The following PBX3 variants were observed in gnomAD, a reference collection of about 807,000 sequenced individuals.
PBX3 encodes PBX homeobox 3, also known as pre-B-cell leukemia transcription factor 3.
In PBX3, 14 loss-of-function variants were observed where a neutral mutation model predicts 48.5. That is an observed-to-expected ratio of 0.29 (90% CI 0.19 to 0.45). The LOEUF is 0.45. PBX3 is among the 20% of genes least tolerant of loss of function. The pLI is 1.00. For missense variants in PBX3, 386 were observed against 546.7 expected, an observed-to-expected ratio of 0.71 and a Z score of 2.93; for synonymous variants, 210 against 200.3, an observed-to-expected ratio of 1.05 and a Z score of -0.41.
intron 2 of PBX3, among the ~76,000 whole-genome samples, chr9:125,881,822 A>G: frequency 6.6e-6 from 1 of 151,990 alleles, no homozygotes; most frequent in Non-Finnish European, 1.5e-5. Flanking sequence ...AAGAGCCTTA[A>G]TAATTTCCTG....
chr9:125,962,977 T>A, intron 7 of PBX3, 35 bp from the exon 8 acceptor site: 1 of 1,184,456 alleles, frequency 8.4e-7, no homozygotes, highest in South Asian at 1.3e-5. Flanking sequence ...TTTAATAGAT[T>A]TGGGATGATG....
intron 2 of PBX3, chr9:125,843,611 CG>C (rs1282305485): frequency 4.3e-6 from 1 of 234,240 alleles, no homozygotes; most frequent in East Asian, 1.2e-4. Flanking sequence ...TTTTAATGGC[CG>C]GTGCTTGGTA....
intron 4 of PBX3, among the ~76,000 whole-genome samples, chr9:125,930,391 G>A (rs776621980): frequency 1.3e-5 from 2 of 152,104 alleles, no homozygotes; most frequent in South Asian, 4.1e-4. Flanking sequence ...AGTTTCACAG[G>A]AGTTAGGTAA....
At chr9:125,763,381 T>C (rs1836721086) in intron 2 of PBX3, among the ~76,000 whole-genome samples, 1 of 152,250 alleles carries the variant, frequency 6.6e-6, no homozygotes, top group African/African-American at 2.4e-5. Context: ...TGTTACCGAT[T>C]ACATGTAAAC....
At chr9:125,810,902 C>G (rs530839185) in intron 2 of PBX3, among the ~76,000 whole-genome samples, 2 of 152,090 alleles carry the variant, frequency 1.3e-5, no homozygotes, top group Non-Finnish European at 2.9e-5. Flanking sequence ...TCCCAAGATG[C>G]GAGGTGTGGT....
chr9:125,896,875 C>G (rs764519215), intron 2 of PBX3, among the ~76,000 whole-genome samples: 46 of 151,960 alleles, frequency 3.0e-4, no homozygotes, highest in Non-Finnish European at 1.0e-4. Context: ...TTAGAACATT[C>G]ATATCCCCAG....
At chr9:125,919,745 T>A (rs1841416950) in intron 3 of PBX3, among the ~76,000 whole-genome samples, 1 of 152,226 alleles carries the variant, frequency 6.6e-6, no homozygotes, top group Non-Finnish European at 1.5e-5. Flanking sequence ...GAAGACTGTT[T>A]AGATTTAGAT....
chr9:125,807,234 G>C (rs182491352), intron 2 of PBX3, among the ~76,000 whole-genome samples: 2 of 152,196 alleles, frequency 1.3e-5, no homozygotes, highest in Non-Finnish European at 2.9e-5. Context: ...TGAGGCAGGA[G>C]AATCACTTGA....
intron 5 of PBX3, among the ~76,000 whole-genome samples, chr9:125,944,953 TG>T (rs1842035054): frequency 6.6e-6 from 1 of 152,188 alleles, no homozygotes; most frequent in Non-Finnish European, 1.5e-5. Context: ...CTGGGCATGG[TG>T]GCTCACACCT....
intron 3 of PBX3, among the ~76,000 whole-genome samples, chr9:125,921,712 A>G (rs1451381013): frequency 1.3e-5 from 2 of 152,210 alleles, no homozygotes; most frequent in Non-Finnish European, 2.9e-5. Flanking sequence ...ATCCCAAAAC[A>G]AGAAAAATTT....
chr9:125,779,946 C>G (rs1837205100), intron 2 of PBX3, among the ~76,000 whole-genome samples: 1 of 123,742 alleles, frequency 8.1e-6, no homozygotes, highest in African/African-American at 3.2e-5. Flanking sequence ...GGCTGACCCC[C>G]CACCTCCCTC....
rs575968294 is a variant in PBX3 at position 125,781,802 on chromosome 9, TC to T, written c.274+33180del. On this transcript the variant is annotated intron_variant, in intron 2 of 8. Coordinates refer to ENST00000373489, the MANE Select transcript of PBX3 (RefSeq NM_006195.6). ...ATAAAGTTAGGTTATTGATTTGAGA[TC>T]TTTTTTTTTTCTTAACGTAGGCATT... is the stretch of plus-strand genomic sequence containing the variant. Among the ~76,000 whole-genome samples, 17 of 152,242 alleles carry T rather than the reference TC, an allele frequency of 1.1e-4. 1 individual carries two copies. In the South Asian group the frequency reaches 3.1e-3, roughly 28 times the overall value.
At chr9:125,889,862 G>T (rs1840596200) in intron 2 of PBX3, among the ~76,000 whole-genome samples, 1 of 147,770 alleles carries the variant, frequency 6.8e-6, no homozygotes, top group African/African-American at 2.4e-5. Context: ...CAATGGGCGC[G>T]CCCGACGCCC....
At chr9:125,844,699 G>A (rs991358730) in intron 2 of PBX3, 1 of 152,144 alleles carries the variant, frequency 6.6e-6, no homozygotes, top group Admixed American at 6.6e-5. Flanking sequence ...TAATTGCTGA[G>A]TGTAATCCAG....
chr9:125,909,598 G>C (rs539099543), intron 2 of PBX3, among the ~76,000 whole-genome samples: 1 of 152,210 alleles, frequency 6.6e-6, no homozygotes, highest in South Asian at 2.1e-4. Context: ...CAGTGTAGCA[G>C]GGAGAAGAAG....
intron 2 of PBX3, among the ~76,000 whole-genome samples, chr9:125,873,966 G>A (rs992701267): frequency 3.9e-5 from 6 of 151,910 alleles, no homozygotes; most frequent in South Asian, 2.1e-4. Flanking sequence ...CAAAAAAGAA[G>A]GAAAGAAGGA....
At chr9:125,779,792 G>T (rs981657742) in intron 2 of PBX3, among the ~76,000 whole-genome samples, 1 of 146,606 alleles carries the variant, frequency 6.8e-6, no homozygotes, top group Non-Finnish European at 1.5e-5. Context: ...CCCAGACGAG[G>T]TGGTGGCTGG....
chr9:125,959,471 G>A (rs1176594957), intron 5 of PBX3, among the ~76,000 whole-genome samples: 1 of 152,220 alleles, frequency 6.6e-6, no homozygotes, highest in East Asian at 1.9e-4. Flanking sequence ...TTCCTCACAT[G>A]GCTCCCTTGC....
chr9:125,955,276 C>T (rs532041598), intron 5 of PBX3, among the ~76,000 whole-genome samples: 1 of 152,278 alleles, frequency 6.6e-6, no homozygotes, highest in East Asian at 1.9e-4. Context: ...AGAGCTTCTC[C>T]CGCTTCCTCT....
Sources: gnomAD v4.1 joint callset for allele counts (sites outside exome capture counted in the v4.1 genomes callset) on GRCh38, gnomAD v4.1.1 for gene constraint, MANE v1.5 for transcripts, NCBI Gene and HGNC (gene_info 2026-07-23, HGNC 2026-07-21) for gene names.